The following AFF3 variants were observed in gnomAD, a reference collection of about 807,000 sequenced individuals.
AFF3 encodes ALF transcription elongation factor 3.
AFF3 carries 32 observed loss-of-function variants against 129.7 expected under a neutral mutation model. The ratio of observed to expected loss-of-function variants is 0.25; its 90% CI spans 0.19 to 0.33. The LOEUF is 0.33. Ranked by LOEUF, AFF3 falls within the 10% of genes least tolerant of loss-of-function variation. The pLI, the probability that AFF3 is intolerant of heterozygous loss-of-function variation, is 1.00. For synonymous variants in AFF3, 644 were observed against 635.4 expected (o/e 1.01, Z -0.20); for missense variants, 1,373 against 1,592.0 (o/e 0.86, Z 2.34).
intron 7 of AFF3, among the ~76,000 whole-genome samples, chr2:99,962,732 T>A (rs1465311407): frequency 6.6e-6 from 1 of 151,694 alleles, no homozygotes; most frequent in Admixed American, 6.6e-5. Flanking sequence ...AAAAAATACA[T>A]CTCATTTGTC....
intron 7 of AFF3, among the ~76,000 whole-genome samples, chr2:99,998,711 T>C (rs1184178024): frequency 6.6e-6 from 1 of 152,152 alleles, no homozygotes; most frequent in African/African-American, 2.4e-5. Context: ...TCAGGAGACA[T>C]ACACGGCTTA....
chr2:99,601,557 T>C lies in AFF3; in HGVS notation c.1249A>G (p.Ser417Gly). 1.9e-6 allele frequency: 3 copies of C among 1,601,240 alleles called. No individual in the cohort carries two copies. The highest frequency in any genetic ancestry group is 2.2e-5 in the East Asian group (1 of 44,564). The change falls in exon 14 of 25, where the codon AGC becomes GGC. Residue 417 changes from serine (S) to glycine (G), a missense_variant. Ser to Gly is a moderately conservative substitution (Grantham distance 56). Around this residue, in one of 9 missense-constraint regions of AFF3, gnomAD observed 413 missense variants for 424.4 expected, o/e 0.97. Coordinates refer to ENST00000672756, the MANE Select transcript of AFF3 (RefSeq NM_001386135.1). ...VPSSKGSSSS[S>G]SSGSSSSSSD... ...GAGGAGCTGCTGCTGCCGCTGCTGC[T>C]GCTGCTGCTGCTGCCCTTGCTGGAA...
intron 10 of AFF3, among the ~76,000 whole-genome samples, chr2:99,738,829 C>A (rs1360447221): frequency 6.6e-6 from 1 of 152,042 alleles, no homozygotes; most frequent in African/African-American, 2.4e-5. Context: ...CCTCCACCCA[C>A]TCCTCTAAGA....
intron 1 of AFF3, among the ~76,000 whole-genome samples, chr2:100,136,037 T>A (rs1408017362): frequency 6.6e-6 from 1 of 152,080 alleles, no homozygotes; most frequent in African/African-American, 2.4e-5. Flanking sequence ...AGGGGCTTCG[T>A]GGGGATGTGA....
chr2:99,900,826 C>G (rs189473142), intron 7 of AFF3, among the ~76,000 whole-genome samples: 1 of 152,210 alleles, frequency 6.6e-6, no homozygotes, highest in South Asian at 2.1e-4. Flanking sequence ...ATGCCCATGA[C>G]GAAAGGCTGT....
chr2:100,134,559 A>G (rs955015350), intron 1 of AFF3, among the ~76,000 whole-genome samples: 7 of 152,208 alleles, frequency 4.6e-5, no homozygotes, highest in African/African-American at 1.7e-4. Context: ...TCAGGCTTAC[A>G]AAAAACTATC....
At chr2:99,565,383 C>G in intron 20 of AFF3, 104 bp downstream of exon 20, 1 of 1,484,266 alleles carries the variant, frequency 6.7e-7, no homozygotes, top group Non-Finnish European at 9.2e-7. Flanking sequence ...AACACTGGTT[C>G]CTGGTGGGGG....
At chr2:100,006,101 T>C (rs1421713232) in intron 7 of AFF3, 1 of 152,514 alleles carries the variant, frequency 6.6e-6, no homozygotes, top group Admixed American at 6.5e-5. Context: ...GTTCACCATA[T>C]TCAAAGTTGA....
At chr2:99,702,879 T>C (rs2104795170) in intron 11 of AFF3, among the ~76,000 whole-genome samples, 1 of 152,328 alleles carries the variant, frequency 6.6e-6, no homozygotes, top group Admixed American at 6.5e-5. Context: ...ATCCTCTTAG[T>C]AGGTCTTTCA....
At chr2:99,851,971 A>T (rs1470675073) in intron 7 of AFF3, among the ~76,000 whole-genome samples, 2 of 152,186 alleles carry the variant, frequency 1.3e-5, no homozygotes, top group Non-Finnish European at 2.9e-5. Flanking sequence ...GAGACCTTTA[A>T]TGCAGGTCAC....
At chr2:99,601,412 G>A in intron 14 of AFF3, 23 bp downstream of exon 14, 2 of 1,575,898 alleles carry the variant, frequency 1.3e-6, no homozygotes, top group Non-Finnish European at 1.7e-6. Flanking sequence ...GCAGAGGAGA[G>A]GCCTGAGCCA....
chr2:99,657,263 T>A (rs1305223261), intron 12 of AFF3, among the ~76,000 whole-genome samples: 3 of 152,194 alleles, frequency 2.0e-5, no homozygotes, highest in African/African-American at 7.2e-5. Flanking sequence ...AGCTCCTCCC[T>A]CTGTTCACAG....
chr2:99,921,547 A>T (rs919704782), intron 7 of AFF3, among the ~76,000 whole-genome samples: 1 of 152,174 alleles, frequency 6.6e-6, no homozygotes, highest in Non-Finnish European at 1.5e-5. Context: ...TAAAATGTTA[A>T]CATCAAGCGT....
Position 99,577,053 on chromosome 2 carries a change from C to T in AFF3, c.2918+1274G>A, listed in dbSNP as rs147351848. On this transcript the variant is annotated intron_variant, in intron 18 of 24. Transcript: ENST00000672756. ...CACAGGAAGAGAAGAAACACACATGCCCTCCTGGGCTGCCCTCAAGCCTTC... is the reference window on the plus strand; with the variant it reads ...CACAGGAAGAGAAGAAACACACATGTCCTCCTGGGCTGCCCTCAAGCCTTC... Among the ~76,000 whole-genome samples, 358 of 152,178 alleles carry T rather than the reference C, an allele frequency of 2.4e-3. 3 individuals are homozygous for T. Among genetic ancestry groups the T allele is most frequent in the African/African-American group, 8.3e-3 (344 of 41,516 alleles).
intron 12 of AFF3, among the ~76,000 whole-genome samples, chr2:99,671,552 T>C (rs1575654694): frequency 6.8e-6 from 1 of 147,338 alleles, no homozygotes; most frequent in Non-Finnish European, 1.5e-5. Flanking sequence ...CCTCTGCTTG[T>C]TCTCTCTGTA....
At position 99,550,806 on chromosome 2, in the gene AFF3, T is replaced by A. The variant is rs989523954; in HGVS notation, c.*668A>T. On this transcript the variant is annotated 3_prime_UTR_variant, in exon 25 of 25. Transcript: ENST00000672756. ...GTCCATCTGTTTGCCTGGAATGCAT[T>A]TAGTTGATAATAGAGTCAGATGGGG... 5 of 234,436 alleles carry A rather than the reference T, an allele frequency of 2.1e-5. No individual in the cohort carries two copies. Among genetic ancestry groups the A allele is most frequent in the African/African-American group, 1.1e-4 (5 of 45,352 alleles). 14.5% of individuals were successfully genotyped at this position (234,436 alleles called of 1,614,324 possible).
intron 11 of AFF3, among the ~76,000 whole-genome samples, chr2:99,690,816 T>C (rs1268880619): frequency 6.6e-6 from 1 of 151,998 alleles, no homozygotes; most frequent in Non-Finnish European, 1.5e-5. Flanking sequence ...AATGTGTATT[T>C]TGAAGAGTTT....
At chr2:100,001,825 C>A (rs764626340) in intron 7 of AFF3, among the ~76,000 whole-genome samples, 1 of 152,214 alleles carries the variant, frequency 6.6e-6, no homozygotes, top group Non-Finnish European at 1.5e-5. Flanking sequence ...ACCTTCAGAA[C>A]GACCCATCTA....
chr2:99,629,307 T>C (rs1489834013), intron 13 of AFF3, among the ~76,000 whole-genome samples: 1 of 152,160 alleles, frequency 6.6e-6, no homozygotes, highest in African/African-American at 2.4e-5. Context: ...CTTTTGTCAG[T>C]GAAGTCTCAG....
Sources: gnomAD v4.1 joint callset for allele counts (sites outside exome capture counted in the v4.1 genomes callset) on GRCh38, gnomAD v4.1.1 for gene constraint, gnomAD v4.1.1 regional missense constraint, MANE v1.5 for transcripts, NCBI Gene and HGNC (gene_info 2026-07-23, HGNC 2026-07-21) for gene names.